Variants in KIF18A observed in about 807,000 individuals in gnomAD.
KIF18A encodes kinesin family member 18A.
In KIF18A, 67 loss-of-function variants were observed where a neutral mutation model predicts 103.3. That is an observed-to-expected ratio of 0.65 (90% confidence interval 0.53 to 0.79). The LOEUF (loss-of-function observed/expected upper bound fraction) is 0.79, where lower values mean the gene tolerates loss of function less well. Among genes scored for constraint, KIF18A ranks in the 30% least tolerant of loss-of-function variants. KIF18A has a pLI of 0.00. For missense variants in KIF18A, 1,032 were observed against 1,062.5 expected (o/e 0.97, Z 0.40); for synonymous variants, 367 against 355.5 (o/e 1.03, Z -0.36).
chr11:28,044,236 C>G (rs1590672048), intron 13 of KIF18A, among the ~76,000 whole-genome samples: 1 of 152,110 alleles, frequency 6.6e-6, no homozygotes, highest in African/African-American at 2.4e-5. Flanking sequence ...TAAATAATTT[C>G]TTAATAATAA....
At chr11:28,067,193 T>C (rs1007786340) in intron 11 of KIF18A, among the ~76,000 whole-genome samples, 8 of 152,058 alleles carry the variant, frequency 5.3e-5, no homozygotes, top group African/African-American at 1.9e-4. Context: ...TATTTTAAAG[T>C]GCCTTACAAA....
intron 11 of KIF18A, among the ~76,000 whole-genome samples, chr11:28,067,435 T>C (rs952929210): frequency 6.6e-6 from 1 of 152,146 alleles, no homozygotes; most frequent in African/African-American, 2.4e-5. Flanking sequence ...CATCATTAAC[T>C]ACTACTGCTA....
At chr11:28,092,863 C>G (rs567082194) in intron 3 of KIF18A, among the ~76,000 whole-genome samples, 1 of 152,200 alleles carries the variant, frequency 6.6e-6, no homozygotes, top group Non-Finnish European at 1.5e-5. Flanking sequence ...TTTTGATGAG[C>G]AGCAGTCACT....
rs1224900977 is a variant in KIF18A, at chr11:28,088,601, G to A, written c.820C>T (p.Arg274Ter). Residue 274 changes from arginine to a stop codon, truncating the protein, a stop_gained, in exon 6 of 17, where the codon CGA becomes TGA. Coordinates refer to ENST00000263181, the MANE Select transcript of KIF18A (RefSeq NM_031217.4). LOFTEE classifies it high-confidence loss of function. ...RASTSGAKGT[R>*]FVEGTNINRS... ...TTAATATTTGTGCCTTCTACAAATCGGGTCCCCTTAGCACCGGAAGTACTT... is the reference window on the plus strand; with the variant it reads ...TTAATATTTGTGCCTTCTACAAATCAGGTCCCCTTAGCACCGGAAGTACTT... The A allele has an allele frequency of 2.5e-6, 4 of 1,613,830 alleles. No homozygotes were observed. Among genetic ancestry groups the A allele is most frequent in the Middle Eastern group, 1.7e-4 (1 of 6,060 alleles).
intron 1 of KIF18A, among the ~76,000 whole-genome samples, chr11:28,106,669 T>C (rs1312202335): frequency 1.3e-5 from 2 of 152,134 alleles, no homozygotes; most frequent in East Asian, 3.8e-4. Flanking sequence ...GTAAATACTT[T>C]TCAATAGTAG....
chr11:28,049,420 T>C (rs1379112353), intron 13 of KIF18A, among the ~76,000 whole-genome samples: 1 of 152,006 alleles, frequency 6.6e-6, no homozygotes, highest in African/African-American at 2.4e-5. Flanking sequence ...CTGAATGATT[T>C]TACCCAGAGG....
intron 11 of KIF18A, among the ~76,000 whole-genome samples, chr11:28,066,767 T>C (rs1565081659): frequency 6.7e-6 from 1 of 149,056 alleles, no homozygotes; most frequent in African/African-American, 2.4e-5. Flanking sequence ...GTCAGAATCA[T>C]TGTTCTGGAA....
In KIF18A at chr11:28,036,540, C is replaced by T. The variant is rs756450221; in HGVS notation, c.2073G>A (p.Gln691=). 3 of 1,611,178 alleles carry T rather than the reference C, an allele frequency of 1.9e-6. No individual in the cohort carries two copies. Among genetic ancestry groups the T allele is most frequent in the South Asian group, 2.2e-5 (2 of 90,996 alleles). Residue 691 remains glutamine (Q), a synonymous_variant, in exon 14 of 17, where the codon CAG becomes CAA. Coordinates refer to ENST00000263181, the MANE Select transcript of KIF18A (RefSeq NM_031217.4). ...TLKSPPSQSV[Q]LNDSLSKELQ... ...GTTCTTTGCTAAGAGAATCATTGAG[C>T]TGCACACTTTGAGATGGTGGAGACT...
chr11:28,092,801 C>T (rs1279544479), intron 3 of KIF18A, among the ~76,000 whole-genome samples: 1 of 152,106 alleles, frequency 6.6e-6, no homozygotes, highest in Non-Finnish European at 1.5e-5. Context: ...ATGTAATAAA[C>T]CCTTAAAAGT....
At chr11:28,055,092 T>C (rs1210759581) in intron 13 of KIF18A, among the ~76,000 whole-genome samples, 1 of 152,134 alleles carries the variant, frequency 6.6e-6, no homozygotes, top group Non-Finnish European at 1.5e-5. Context: ...GAAAAAAACT[T>C]AAGTTTTGCT....
chr11:28,082,761 T>C, intron 9 of KIF18A, 95 bp downstream of exon 9: 1 of 699,728 alleles, frequency 1.4e-6, no homozygotes, highest in South Asian at 1.9e-5. Context: ...TCTATGTACA[T>C]ATAAAAGACA....
rs1303975857 is a variant in KIF18A, at chr11:28,058,987, T to C, written c.1887A>G (p.Leu629=). Residue 629 remains leucine (L), a synonymous_variant, in exon 13 of 17, where the codon CTA becomes CTG. Transcript: ENST00000263181. ...AGGTCATAAGAACAGAAATCCCTGG[T>C]AGATCGTTTTGCTTTGGTTGTTCGG... is the stretch of plus-strand genomic sequence containing the variant. ...QTAEQPKQND[L]PGISVLMTFP... 6.2e-7 allele frequency: 1 copy of C among 1,614,136 alleles called. No homozygotes were observed. The highest frequency in any genetic ancestry group is 8.5e-7 in the Non-Finnish European group (1 of 1,179,994).
chr11:28,038,248 T>C (rs999307928), intron 13 of KIF18A, among the ~76,000 whole-genome samples: 1 of 151,644 alleles, frequency 6.6e-6, no homozygotes, highest in Non-Finnish European at 1.5e-5. Flanking sequence ...GTATTTAATG[T>C]TTAACATTTA....
intron 10 of KIF18A, among the ~76,000 whole-genome samples, chr11:28,075,540 T>C (rs914957305): frequency 6.6e-6 from 1 of 152,226 alleles, no homozygotes; most frequent in Admixed American, 6.5e-5. Flanking sequence ...ATGTGTTTTT[T>C]ACCTCATATT....
At chr11:28,059,503 C>T (rs1850831251) in intron 12 of KIF18A, among the ~76,000 whole-genome samples, 1 of 152,076 alleles carries the variant, frequency 6.6e-6, no homozygotes, top group South Asian at 2.1e-4. Context: ...GCATGATCAT[C>T]TCATTGCAGC....
intron 13 of KIF18A, chr11:28,056,971 G>T (rs529138896): frequency 2.7e-6 from 1 of 365,562 alleles, no homozygotes; most frequent in Non-Finnish European, 5.3e-6. Flanking sequence ...GGAAAATATA[G>T]GCAGATTTGA....
chr11:28,086,171 AT>A (rs1236047901), intron 6 of KIF18A, among the ~76,000 whole-genome samples: 1 of 152,210 alleles, frequency 6.6e-6, no homozygotes, highest in African/African-American at 2.4e-5. Context: ...GAAAATGTCT[AT>A]TTAAAAATAT....
chr11:28,065,737 C>T (rs1286154360), intron 11 of KIF18A, among the ~76,000 whole-genome samples: 2 of 151,886 alleles, frequency 1.3e-5, no homozygotes, highest in Non-Finnish European at 1.5e-5. Flanking sequence ...ACTTTTTTGC[C>T]TGCTTAATAC....
chr11:28,027,604 ATACTGCAC>A (rs1302278318), intron 15 of KIF18A, among the ~76,000 whole-genome samples: 1 of 151,928 alleles, frequency 6.6e-6, no homozygotes, highest in Non-Finnish European at 1.5e-5. Flanking sequence ...TATTTTTATC[ATACTGCAC>A]ATCAGTTTGG....
Sources: allele counts gnomAD v4.1 joint callset (sites outside exome capture counted in the v4.1 genomes callset), GRCh38; gene constraint gnomAD v4.1.1; transcripts MANE v1.5; gene names NCBI Gene and HGNC (gene_info 2026-07-23, HGNC 2026-07-21).